The following SEMA3D variants were observed in gnomAD, a reference collection of about 807,000 sequenced individuals.
SEMA3D encodes the protein semaphorin-3D.
A neutral mutation model predicts 100.1 loss-of-function variants in SEMA3D; 84 were observed. The ratio of observed to expected loss-of-function variants is 0.84; its 90% CI spans 0.70 to 1.01. The LOEUF (loss-of-function observed/expected upper bound fraction) is 1.01, where lower values mean the gene tolerates loss of function less well. Ranked by LOEUF, SEMA3D falls within the 50% of genes least tolerant of loss-of-function variation. The probability of loss-of-function intolerance (pLI) is 0.00; values close to 1 mark genes in which losing one functional copy is unlikely to be tolerated. For synonymous variants in SEMA3D, 312 were observed against 320.7 expected (o/e 0.97, Z 0.29); for missense variants, 875 against 934.1 (o/e 0.94, Z 0.82).
the SEMA3D span, among the ~76,000 whole-genome samples, chr7:85,214,250 C>G: frequency 0.023 from 3,459 of 152,182 alleles, 162 homozygotes; most frequent in East Asian, 0.2. Context: ...CATTGTGGAT[C>G]AATAGCACCA....
the SEMA3D span, among the ~76,000 whole-genome samples, chr7:85,199,907 A>G: frequency 6.6e-6 from 1 of 152,258 alleles, no homozygotes; most frequent in Admixed American, 6.5e-5. Context: ...TGTTCTCATG[A>G]CAGTGTATGA....
chr7:85,184,291 T>C (rs1306533593), intron 1 of SEMA3D, among the ~76,000 whole-genome samples: 2 of 152,192 alleles, frequency 1.3e-5, no homozygotes, highest in African/African-American at 4.8e-5. Flanking sequence ...AAACAGTTCG[T>C]ATCTCAGTTC....
At chr7:85,235,391 A>G in the SEMA3D span, among the ~76,000 whole-genome samples, 20 of 152,244 alleles carry the variant, frequency 1.3e-4, no homozygotes, top group South Asian at 4.1e-3. Flanking sequence ...TAAAAATCTA[A>G]TTTTTCAGAA....
At chr7:85,172,976 C>G (rs993197616) in intron 1 of SEMA3D, among the ~76,000 whole-genome samples, 1 of 151,868 alleles carries the variant, frequency 6.6e-6, no homozygotes, top group Non-Finnish European at 1.5e-5. Context: ...AGAGCAATAC[C>G]TTTTTAGAAA....
At chr7:85,097,440 C>T (rs190789172) in intron 4 of SEMA3D, among the ~76,000 whole-genome samples, 21 of 151,930 alleles carry the variant, frequency 1.4e-4, no homozygotes, top group Admixed American at 1.1e-3. Flanking sequence ...TTTAATTTTA[C>T]AACTATTGTT....
At chr7:85,073,194 G>A (rs2116190436) in intron 5 of SEMA3D, 113 bp from the exon 6 acceptor site, 6 of 948,468 alleles carry the variant, frequency 6.3e-6, no homozygotes, top group Admixed American at 4.8e-5. Context: ...GAGCACAAAT[G>A]AAAAAAGATT....
intron 8 of SEMA3D, 113 bp downstream of exon 8, chr7:85,065,311 A>C: frequency 2.1e-6 from 2 of 935,158 alleles, no homozygotes; most frequent in Non-Finnish European, 3.1e-6. Flanking sequence ...GTATTTTATA[A>C]TGTTGAGCTA....
the SEMA3D span, among the ~76,000 whole-genome samples, chr7:85,248,484 T>C: frequency 1.3e-5 from 2 of 152,144 alleles, no homozygotes; most frequent in African/African-American, 2.4e-5. Context: ...TATTTACTCA[T>C]AGGAACTGAT....
intron 12 of SEMA3D, among the ~76,000 whole-genome samples, chr7:85,027,465 C>T (rs28517442): frequency 0.025 from 3,848 of 151,836 alleles, 179 homozygotes; most frequent in African/African-American, 0.087. Flanking sequence ...TTTTGTTAGA[C>T]AAAGATTTGA....
chr7:85,003,244 T>C (rs996675879), intron 18 of SEMA3D, among the ~76,000 whole-genome samples: 10 of 152,110 alleles, frequency 6.6e-5, no homozygotes, highest in Non-Finnish European at 1.0e-4. Context: ...ATCATCCATC[T>C]ATTATACCAC....
chr7:85,212,032 C>T, the SEMA3D span, among the ~76,000 whole-genome samples: 1 of 151,996 alleles, frequency 6.6e-6, no homozygotes, highest in African/African-American at 2.4e-5. Flanking sequence ...TGCCTGATGC[C>T]ATCACTAATC....
upstream of SEMA3D, among the ~76,000 whole-genome samples, chr7:85,190,504 C>T (rs1200658328): frequency 6.6e-6 from 1 of 152,072 alleles, no homozygotes; most frequent in Non-Finnish European, 1.5e-5. Context: ...CACCCAGCCC[C>T]TTATCTTCTA....
At position 84,996,771 on chromosome 7, in the gene SEMA3D, CAG is replaced by C. The variant is rs1442948227; in HGVS notation, c.*2667_*2668del. The C allele has an allele frequency of 1.3e-5, 2 of 151,958 alleles. No homozygotes were observed. The highest frequency in any genetic ancestry group is 2.9e-5 in the Non-Finnish European group (2 of 67,882). 9.4% of individuals were successfully genotyped at this position (151,958 alleles called of 1,614,324 possible). Reference sequence around the variant, plus strand: ...AACAGGCATTTTAAGATCCCCTCCGCAGAGTCAATTTCTTAGCATATTTGAAA... The same window carrying C: ...AACAGGCATTTTAAGATCCCCTCCGCAGTCAATTTCTTAGCATATTTGAAA... On this transcript the variant is annotated 3_prime_UTR_variant, in exon 19 of 19. Coordinates refer to ENST00000284136, the MANE Select transcript of SEMA3D (RefSeq NM_001384900.1).
At chr7:85,022,306 C>A in intron 13 of SEMA3D, 85 bp downstream of exon 13, 2 of 871,708 alleles carry the variant, frequency 2.3e-6, no homozygotes, top group Non-Finnish European at 3.8e-6. Flanking sequence ...TTATTTTGAC[C>A]AATAAATATT....
At chr7:85,174,272 A>G (rs934820703) in intron 1 of SEMA3D, among the ~76,000 whole-genome samples, 1 of 152,152 alleles carries the variant, frequency 6.6e-6, no homozygotes, top group African/African-American at 2.4e-5. Context: ...AGGGCCAGCC[A>G]TGTTTTTTCA....
chr7:85,088,865 C>A (rs1204351649), intron 4 of SEMA3D, among the ~76,000 whole-genome samples: 2 of 152,100 alleles, frequency 1.3e-5, no homozygotes, highest in East Asian at 1.9e-4. Context: ...CTGCATGAAG[C>A]CTTGGGTGAC....
intron 9 of SEMA3D, among the ~76,000 whole-genome samples, chr7:85,050,107 AC>A (rs1791121481): frequency 2.0e-5 from 3 of 151,518 alleles, no homozygotes; most frequent in Non-Finnish European, 4.4e-5. Context: ...ACACACACAC[AC>A]ACACACACAC....
At chr7:85,102,611 T>C (rs1788783987) in intron 3 of SEMA3D, among the ~76,000 whole-genome samples, 1 of 151,902 alleles carries the variant, frequency 6.6e-6, no homozygotes, top group Admixed American at 6.6e-5. Context: ...TTCAGAAAAG[T>C]GGCAACAACT....
At chr7:85,014,898 T>A (rs187505437) in intron 16 of SEMA3D, among the ~76,000 whole-genome samples, 161 bp downstream of exon 16, 1 of 151,970 alleles carries the variant, frequency 6.6e-6, no homozygotes, top group African/African-American at 2.4e-5. Flanking sequence ...AAATTAAGTT[T>A]TATGTAAAAA....
Sources: allele counts gnomAD v4.1 joint callset (sites outside exome capture counted in the v4.1 genomes callset), GRCh38; gene constraint gnomAD v4.1.1; transcripts MANE v1.5; gene names NCBI Gene and HGNC (gene_info 2026-07-23, HGNC 2026-07-21).